Variants in USP22 observed in about 807,000 individuals in gnomAD.
The protein encoded by USP22 is ubiquitin specific peptidase 22, also known as ubiquitin carboxyl-terminal hydrolase 22.
USP22 carries 22 observed loss-of-function variants against 68.1 expected under a neutral mutation model. That is an observed-to-expected ratio of 0.32 (90% CI 0.23 to 0.46). The LOEUF (loss-of-function observed/expected upper bound fraction) is 0.46, where lower values mean the gene tolerates loss of function less well. USP22 is among the 20% of genes least tolerant of loss of function. USP22 has a pLI of 1.00. For missense variants in USP22, 433 were observed against 695.8 expected, an observed-to-expected ratio of 0.62 and a Z score of 4.25; for synonymous variants, 279 against 274.2, an observed-to-expected ratio of 1.02 and a Z score of -0.17.
intron 1 of USP22, among the ~76,000 whole-genome samples, chr17:21,034,541 G>A (rs528464881): frequency 2.0e-5 from 3 of 152,254 alleles, no homozygotes; most frequent in East Asian, 3.9e-4. Context: ...TAAACTGCCC[G>A]CCGTTCTGAG....
rs2143678836 is a variant in USP22, at chr17:21,042,808, C to G, written c.28G>C (p.Glu10Gln). 2 of 1,454,682 alleles carry G rather than the reference C, an allele frequency of 1.4e-6. No homozygotes were observed. The highest frequency in any genetic ancestry group is 1.8e-6 in the Non-Finnish European group (2 of 1,101,534). The allele number at this position is 1,454,682 out of a possible 1,614,324, so 90.1% of individuals were successfully genotyped here. A position where few individuals can be genotyped will look rare whatever the true frequency, so the allele number is the denominator to read the frequency against. The stretch of plus-strand genomic sequence containing the variant: ...ACCGCCAGCTCGGCGTCCATGGCCT[C>G]GCCCTCGGGCTCTGGCCGGGACACC... MVSRPEPEG[E>Q]AMDAELAVAP... Residue 10 changes from glutamate (E) to glutamine (Q), a missense_variant, in exon 1 of 13, where the codon GAG becomes CAG. This residue lies in a region of USP22 where 110 missense variants were observed against 89.9 expected (regional missense o/e 1.22). Coordinates refer to ENST00000261497, the MANE Select transcript of USP22 (RefSeq NM_015276.2).
chr17:21,027,961 C>A (rs1972243149), intron 2 of USP22, among the ~76,000 whole-genome samples: 1 of 152,046 alleles, frequency 6.6e-6, no homozygotes, highest in Admixed American at 6.5e-5. Flanking sequence ...GCGCGAGACT[C>A]CATCTCAAAA....
chr17:21,018,956 C>G, intron 4 of USP22, 128 bp downstream of exon 4: 2 of 953,332 alleles, frequency 2.1e-6, no homozygotes, highest in Non-Finnish European at 3.2e-6. Flanking sequence ...GGTTGCTGAG[C>G]ACATTGATGA....
At chr17:21,041,190 C>G (rs1350001212) in intron 1 of USP22, among the ~76,000 whole-genome samples, 1 of 152,058 alleles carries the variant, frequency 6.6e-6, no homozygotes, top group Non-Finnish European at 1.5e-5. Flanking sequence ...GCCAGGCCAT[C>G]TTTTCTTAAA....
At chr17:21,021,048 G>GGT in intron 3 of USP22, 65 bp downstream of exon 3, 1 of 1,314,086 alleles carries the variant, frequency 7.6e-7, no homozygotes. Flanking sequence ...TCTCCTACTG[G>GGT]GTCTGCCCTT....
Position 21,042,407 on chromosome 17 carries a change from AG to A in USP22, c.171+257del, listed in dbSNP as rs1185136371. 7 of 162,018 alleles carry A rather than the reference AG, an allele frequency of 4.3e-5. No individual in the cohort carries two copies. The South Asian group carries it at 2.0e-3, about 46-fold the overall frequency. The allele number at this position is 162,018 out of a possible 1,614,324, so 10.0% of individuals were successfully genotyped here. ...GGGGGAGGGGACAGAGAGGAGGGGGAGGGAAAGGAAGAATGGGGGAAGGGGG... is the reference window on the plus strand; with the variant it reads ...GGGGGAGGGGACAGAGAGGAGGGGGAGGAAAGGAAGAATGGGGGAAGGGGG... On this transcript the variant is annotated intron_variant, in intron 1 of 12. Coordinates refer to ENST00000261497, the MANE Select transcript of USP22 (RefSeq NM_015276.2).
At chr17:21,036,523 G>GC (rs1180706228) in intron 1 of USP22, among the ~76,000 whole-genome samples, 2 of 144,066 alleles carry the variant, frequency 1.4e-5, no homozygotes, top group African/African-American at 2.5e-5. Flanking sequence ...TACTGTAAGG[G>GC]GGGGGGGGGT....
chr17:21,041,172 C>T (rs1972425343), intron 1 of USP22, among the ~76,000 whole-genome samples: 1 of 152,044 alleles, frequency 6.6e-6, no homozygotes, highest in Admixed American at 6.6e-5. Context: ...CGTCAGCCAC[C>T]GCGCCAAGCC....
At chr17:21,006,039 G>A (rs1387229388) in intron 10 of USP22, among the ~76,000 whole-genome samples, 4 of 152,148 alleles carry the variant, frequency 2.6e-5, no homozygotes, top group Non-Finnish European at 4.4e-5. Flanking sequence ...AGCTGGAGGC[G>A]GTGAGGAATG....
chr17:21,024,550 A>C (rs1196479070), intron 2 of USP22, among the ~76,000 whole-genome samples: 1 of 152,258 alleles, frequency 6.6e-6, no homozygotes, highest in Non-Finnish European at 1.5e-5. Context: ...AATGGATCAG[A>C]GACCTAAATA....
rs35324126 is a variant in USP22 at position 21,036,030 on chromosome 17, C to CAAAAAAAAAAA, written c.171+6624_171+6634dup. On this transcript the variant is annotated intron_variant, in intron 1 of 12. Coordinates refer to ENST00000261497, the MANE Select transcript of USP22 (RefSeq NM_015276.2). ...TGGGCGACAGAGCAAGACTCCGTCT[C>CAAAAAAAAAAA]AAAAAAAAAAAAAAAAAAAAAAAAA... 2.0e-4 allele frequency among the ~76,000 whole-genome samples: 12 copies of CAAAAAAAAAAA among 59,642 alleles called. 1 individual carries two copies. Among genetic ancestry groups the CAAAAAAAAAAA allele is most frequent in the African/African-American group, 1.1e-3 (12 of 11,268 alleles). The allele number at this position is 59,642 out of a possible 152,430, so 39.1% of individuals were successfully genotyped here.
chr17:21,004,779 GCGGGCAGCCAA>G lies in USP22; in HGVS notation c.1385+138_1385+148del, dbSNP rs2143510454. 6.6e-4 allele frequency: 57 copies of G among 86,510 alleles called. 13 individuals carry two copies. Among genetic ancestry groups the G allele is most frequent in the South Asian group, 3.8e-3 (8 of 2,078 alleles). 5.4% of individuals were successfully genotyped at this position (86,510 alleles called of 1,614,324 possible). ...TGGAGCGGCCTTTCCTAGTGGAGCTGCGGGCAGCCAATAGTGGAGCTGCGGGCAGCCAAGCG... is the reference window on the plus strand; with the variant it reads ...TGGAGCGGCCTTTCCTAGTGGAGCTGTAGTGGAGCTGCGGGCAGCCAAGCG... On this transcript the variant is annotated intron_variant, in intron 11 of 12. Transcript: ENST00000261497.
chr17:21,004,832 C>A, intron 11 of USP22, 96 bp downstream of exon 11: 2 of 1,410,220 alleles, frequency 1.4e-6, no homozygotes, highest in South Asian at 2.6e-5. Context: ...AGGTCAGTGG[C>A]GGGGGATCCG....
chr17:21,031,697 A>G (rs574248041), intron 1 of USP22, among the ~76,000 whole-genome samples: 6 of 150,872 alleles, frequency 4.0e-5, no homozygotes, highest in African/African-American at 1.5e-4. Context: ...TCTCTACTAC[A>G]CAACCTAGGA....
intron 12 of USP22, among the ~76,000 whole-genome samples, chr17:21,003,900 CAAAAA>C (rs545524182): frequency 8.8e-6 from 1 of 113,900 alleles, no homozygotes; most frequent in Non-Finnish European, 1.7e-5. Flanking sequence ...AACTCCGTCT[CAAAAA>C]AAAAAAAAAA....
intron 8 of USP22, 150 bp from the exon 9 acceptor site, chr17:21,008,146 A>G (rs919231222): frequency 9.4e-7 from 1 of 1,060,272 alleles, no homozygotes; most frequent in Non-Finnish European, 1.3e-6. Context: ...AAAAAAAGAG[A>G]AAATGTTGTC....
intron 3 of USP22, 148 bp downstream of exon 3, chr17:21,020,965 C>A (rs1655346651): frequency 2.0e-5 from 13 of 647,080 alleles, no homozygotes; most frequent in Non-Finnish European, 2.8e-5. Context: ...GCTGACTCCA[C>A]TGTGGGCCTT....
At chr17:21,025,935 G>A (rs1340017491) in intron 2 of USP22, among the ~76,000 whole-genome samples, 6 of 152,228 alleles carry the variant, frequency 3.9e-5, no homozygotes. Flanking sequence ...CATTGTAAAT[G>A]TGCTAAATGT....
intron 1 of USP22, among the ~76,000 whole-genome samples, chr17:21,041,543 A>C (rs974999471): frequency 6.6e-6 from 1 of 152,192 alleles, no homozygotes; most frequent in African/African-American, 2.4e-5. Flanking sequence ...GATTGTAGTG[A>C]GCCGAAATCG....
Sources: gnomAD v4.1 joint callset for allele counts (sites outside exome capture counted in the v4.1 genomes callset) on GRCh38, gnomAD v4.1.1 for gene constraint, gnomAD v4.1.1 regional missense constraint, MANE v1.5 for transcripts, NCBI Gene and HGNC (gene_info 2026-07-23, HGNC 2026-07-21) for gene names.